The following CD247 variants were observed in gnomAD, a reference collection of about 807,000 sequenced individuals.
The protein encoded by CD247 is T-cell surface glycoprotein CD3 zeta chain.
A neutral mutation model predicts 30.0 loss-of-function variants in CD247; 13 were observed. The observed-to-expected ratio is 0.43, with a 90% CI of 0.28 to 0.69. The LOEUF (loss-of-function observed/expected upper bound fraction) is 0.69. Among genes scored for constraint, CD247 ranks in the 30% least tolerant of loss-of-function variants. The pLI is 0.16. For missense variants in CD247, 193 were observed against 212.6 expected (o/e 0.91, Z 0.57); for synonymous variants, 72 against 80.0 (o/e 0.90, Z 0.53).
intron 1 of CD247, among the ~76,000 whole-genome samples, chr1:167,473,790 C>T (rs901920196): frequency 6.6e-6 from 1 of 152,236 alleles, no homozygotes; most frequent in African/African-American, 2.4e-5. Context: ...GGAACCCCTT[C>T]TTGCACATTG....
Position 167,518,397 on chromosome 1 carries a change from G to T in CD247, c.58+11C>A, listed in dbSNP as rs375286157. 300 of 1,613,828 alleles carry T rather than the reference G, an allele frequency of 1.9e-4. No individual in the cohort carries two copies. The Middle Eastern group carries it at 2.0e-3, about 11-fold the overall frequency. On this transcript the variant is annotated intron_variant, in intron 1 of 7. Transcript: ENST00000362089. ...TCTAGAAGTTCCCTGCCGTCGACAC[G>T]TCGGCCCTACCTGTAATCGGCAACT...
At chr1:167,462,372 A>G (rs181046697) in intron 1 of CD247, among the ~76,000 whole-genome samples, 56 of 152,340 alleles carry the variant, frequency 3.7e-4, no homozygotes, top group African/African-American at 1.3e-3. Flanking sequence ...AAGCCAGACC[A>G]GTGTGGTTTA....
chr1:167,496,338 T>G (rs1167160168), intron 1 of CD247, among the ~76,000 whole-genome samples: 1 of 152,220 alleles, frequency 6.6e-6, no homozygotes, highest in Non-Finnish European at 1.5e-5. Context: ...TTGGACTAGA[T>G]GATTTTGTAG....
intron 1 of CD247, among the ~76,000 whole-genome samples, chr1:167,512,068 T>C (rs2102121102): frequency 6.6e-6 from 1 of 152,292 alleles, no homozygotes; most frequent in African/African-American, 2.4e-5. Context: ...GAAAATTAGT[T>C]GCTGAGTAGC....
chr1:167,456,266 G>A (rs1652664997), intron 1 of CD247, among the ~76,000 whole-genome samples: 1 of 152,114 alleles, frequency 6.6e-6, no homozygotes, highest in South Asian at 2.1e-4. Flanking sequence ...GGCACTGCCT[G>A]TGCCTGGGGC....
At chr1:167,437,999 A>G (rs893256314) in intron 4 of CD247, among the ~76,000 whole-genome samples, 1 of 150,852 alleles carries the variant, frequency 6.6e-6, no homozygotes, top group Admixed American at 6.6e-5. Context: ...ATAATTTGTC[A>G]ATATAAAATA....
At chr1:167,473,125 A>ACACACC (rs781414075) in intron 1 of CD247, among the ~76,000 whole-genome samples, 2 of 150,626 alleles carry the variant, frequency 1.3e-5, no homozygotes, top group Non-Finnish European at 3.0e-5. Flanking sequence ...ACACACACAC[A>ACACACC]CCCATCTGTA....
At chr1:167,517,906 T>C (rs1331185301) in intron 1 of CD247, among the ~76,000 whole-genome samples, 1 of 152,016 alleles carries the variant, frequency 6.6e-6, no homozygotes, top group Non-Finnish European at 1.5e-5. Flanking sequence ...CCCATTGGAG[T>C]GTTTCAGGCC....
chr1:167,502,986 C>T (rs1166619527), intron 1 of CD247, among the ~76,000 whole-genome samples: 1 of 152,106 alleles, frequency 6.6e-6, no homozygotes, highest in African/African-American at 2.4e-5. Context: ...CAGTTTGTGG[C>T]ACTTTGTTAA....
intron 1 of CD247, among the ~76,000 whole-genome samples, chr1:167,474,629 C>A (rs571349089): frequency 6.6e-6 from 1 of 152,206 alleles, no homozygotes; most frequent in South Asian, 2.1e-4. Flanking sequence ...AGCACAGACA[C>A]CAGCGAAGAC....
At chr1:167,441,038 T>C (rs2101996711) in intron 1 of CD247, among the ~76,000 whole-genome samples, 1 of 152,290 alleles carries the variant, frequency 6.6e-6, no homozygotes, top group East Asian at 1.9e-4. Flanking sequence ...GGCGAGCAGA[T>C]GAGGCTGTTC....
chr1:167,459,455 C>T (rs1480876446), intron 1 of CD247, among the ~76,000 whole-genome samples: 1 of 146,710 alleles, frequency 6.8e-6, no homozygotes, highest in Non-Finnish European at 1.5e-5. Context: ...CGGGTTCAAG[C>T]GATTTTCCTG....
intron 1 of CD247, among the ~76,000 whole-genome samples, chr1:167,499,267 C>A (rs777039154): frequency 6.6e-6 from 1 of 152,150 alleles, no homozygotes; most frequent in Non-Finnish European, 1.5e-5. Context: ...CACAGAACAG[C>A]CTCCCTGGTG....
chr1:167,480,070 C>G (rs565446076), intron 1 of CD247, among the ~76,000 whole-genome samples: 3 of 152,132 alleles, frequency 2.0e-5, no homozygotes, highest in Admixed American at 2.0e-4. Flanking sequence ...TCTGATGCCC[C>G]GTTCCAAAAT....
intron 2 of CD247, 184 bp downstream of exon 2, chr1:167,440,480 A>T (rs1571515253): frequency 1.5e-6 from 1 of 653,224 alleles, no homozygotes; most frequent in East Asian, 2.7e-5. Flanking sequence ...TGTCCATCTC[A>T]GCCAGACACT....
At chr1:167,466,846 T>C (rs1335754795) in intron 1 of CD247, among the ~76,000 whole-genome samples, 4 of 151,366 alleles carry the variant, frequency 2.6e-5, no homozygotes, top group South Asian at 2.1e-4. Flanking sequence ...TCCTCTTCTT[T>C]TTTTTTTTTT....
At chr1:167,511,357 T>A (rs770216479) in intron 1 of CD247, among the ~76,000 whole-genome samples, 1 of 152,040 alleles carries the variant, frequency 6.6e-6, no homozygotes, top group Non-Finnish European at 1.5e-5. Context: ...CTGCATACAG[T>A]GGGGTGGTGA....
chr1:167,475,904 A>G (rs570751231), intron 1 of CD247, among the ~76,000 whole-genome samples: 2 of 152,284 alleles, frequency 1.3e-5, no homozygotes, highest in East Asian at 3.9e-4. Flanking sequence ...AAAACATGAG[A>G]CAGAGAAATT....
intron 1 of CD247, among the ~76,000 whole-genome samples, chr1:167,513,808 T>C (rs1655490440): frequency 1.3e-5 from 2 of 152,228 alleles, no homozygotes; most frequent in Admixed American, 6.5e-5. Context: ...TTTGTAGATC[T>C]GAAATAAACA....
Sources: allele counts gnomAD v4.1 joint callset (sites outside exome capture counted in the v4.1 genomes callset), GRCh38; gene constraint gnomAD v4.1.1; transcripts MANE v1.5; gene names NCBI Gene and HGNC (gene_info 2026-07-23, HGNC 2026-07-21).